Variants in PRR16 observed in about 807,000 individuals in gnomAD.
PRR16 encodes protein Largen.
PRR16 carries 6 observed loss-of-function variants against 18.2 expected under a neutral mutation model. The observed-to-expected ratio is 0.33, with a 90% CI of 0.18 to 0.65. The LOEUF is 0.65. Among genes scored for constraint, PRR16 ranks in the 30% least tolerant of loss-of-function variants. The pLI, the probability that PRR16 is intolerant of heterozygous loss-of-function variation, is 0.74. For synonymous variants in PRR16, 151 were observed against 147.8 expected (o/e 1.02, Z -0.16); for missense variants, 412 against 376.6 (o/e 1.09, Z -0.78).
chr5:120,644,507 G>A (rs1213143555), intron 1 of PRR16, among the ~76,000 whole-genome samples: 1 of 152,092 alleles, frequency 6.6e-6, no homozygotes, highest in Non-Finnish European at 1.5e-5. Context: ...AACACAGACA[G>A]GGAGTGCAAA....
At chr5:120,654,272 A>G (rs1317104451) in intron 1 of PRR16, among the ~76,000 whole-genome samples, 1 of 152,032 alleles carries the variant, frequency 6.6e-6, no homozygotes, top group Admixed American at 6.6e-5. Context: ...ACATGAGAAT[A>G]AGAGACTTCT....
intron 1 of PRR16, among the ~76,000 whole-genome samples, chr5:120,640,756 T>C (rs750353489): frequency 1.3e-5 from 2 of 152,116 alleles, no homozygotes; most frequent in African/African-American, 4.8e-5. Context: ...AGAAAAAATA[T>C]AAACAAATCA....
At chr5:120,606,203 G>A (rs1754148423) in intron 1 of PRR16, among the ~76,000 whole-genome samples, 1 of 152,154 alleles carries the variant, frequency 6.6e-6, no homozygotes, top group Non-Finnish European at 1.5e-5. Flanking sequence ...TTTCCAGAAT[G>A]TGCCAGCATC....
the PRR16 span, among the ~76,000 whole-genome samples, chr5:120,784,616 T>G: frequency 6.6e-6 from 1 of 152,076 alleles, no homozygotes; most frequent in East Asian, 1.9e-4. Flanking sequence ...AAAATCTGAA[T>G]AAAAATGGGC....
rs116379487 is a variant in PRR16 at position 120,554,788 on chromosome 5, T to C, written c.159+90143T>C. On this transcript the variant is annotated intron_variant, in intron 1 of 1. Transcript: ENST00000407149. ...ATAATCTGAAGCATTGCAAGTTAGG[T>C]TGGGATTCGAAGGAAGGAACATACC... 3.6e-3 allele frequency among the ~76,000 whole-genome samples: 547 copies of C among 152,014 alleles called. 1 individual carries two copies. Among genetic ancestry groups the C allele is most frequent in the African/African-American group, 0.012 (517 of 41,498 alleles).
At chr5:120,759,246 G>A in the PRR16 span, among the ~76,000 whole-genome samples, 1 of 151,924 alleles carries the variant, frequency 6.6e-6, no homozygotes, top group Non-Finnish European at 1.5e-5. Context: ...AAAGTGCTGG[G>A]ATTACAGGCG....
At chr5:120,564,940 C>T (rs564680421) in intron 1 of PRR16, among the ~76,000 whole-genome samples, 34 of 148,566 alleles carry the variant, frequency 2.3e-4, no homozygotes, top group African/African-American at 6.5e-4. Context: ...TAGCCGAGAT[C>T]GCGCCACTGC....
chr5:120,558,051 A>G (rs976550952), intron 1 of PRR16, among the ~76,000 whole-genome samples: 6 of 151,854 alleles, frequency 4.0e-5, no homozygotes, highest in African/African-American at 1.4e-4. Flanking sequence ...GGGGTACATT[A>G]GATGTTTTGA....
chr5:120,586,157 G>A (rs1206930329), intron 1 of PRR16, among the ~76,000 whole-genome samples: 1 of 147,730 alleles, frequency 6.8e-6, no homozygotes, highest in Non-Finnish European at 1.5e-5. Context: ...CAGCAACAGA[G>A]CGAGACTCCA....
At chr5:120,575,763 AC>A (rs1753057230) in intron 1 of PRR16, among the ~76,000 whole-genome samples, 1 of 152,298 alleles carries the variant, frequency 6.6e-6, no homozygotes, top group South Asian at 2.1e-4. Context: ...CACTTTTACC[AC>A]TTTTATTCAA....
At chr5:120,547,380 C>A (rs1319935504) in intron 1 of PRR16, among the ~76,000 whole-genome samples, 2 of 152,080 alleles carry the variant, frequency 1.3e-5, no homozygotes, top group South Asian at 2.1e-4. Flanking sequence ...TATGTAAATT[C>A]TTGGTATATA....
chr5:120,499,131 C>T (rs1750360036), intron 1 of PRR16, among the ~76,000 whole-genome samples: 1 of 148,212 alleles, frequency 6.7e-6, no homozygotes, highest in Admixed American at 6.8e-5. Flanking sequence ...TTTTTAAAGA[C>T]GGAGTTCCGC....
At chr5:120,633,617 T>C (rs940614786) in intron 1 of PRR16, among the ~76,000 whole-genome samples, 1 of 151,994 alleles carries the variant, frequency 6.6e-6, no homozygotes, top group Non-Finnish European at 1.5e-5. Context: ...AGAAGTTAGA[T>C]AAGACAAAGA....
At chr5:120,758,151 T>G in the PRR16 span, among the ~76,000 whole-genome samples, 1 of 152,288 alleles carries the variant, frequency 6.6e-6, no homozygotes, top group African/African-American at 2.4e-5. Context: ...GGTCAGTAAC[T>G]TATTTGGAAT....
intron 1 of PRR16, among the ~76,000 whole-genome samples, chr5:120,489,357 T>C (rs1749937038): frequency 6.6e-6 from 1 of 152,202 alleles, no homozygotes; most frequent in South Asian, 2.1e-4. Flanking sequence ...GCATATATAT[T>C]TAGGATAGTT....
chr5:120,674,098 C>T (rs2150148864), intron 1 of PRR16, among the ~76,000 whole-genome samples: 1 of 152,248 alleles, frequency 6.6e-6, no homozygotes, highest in African/African-American at 2.4e-5. Flanking sequence ...TAAACTCTTA[C>T]ATGTCGACGC....
chr5:120,785,204 A>C, the PRR16 span, among the ~76,000 whole-genome samples: 1 of 152,158 alleles, frequency 6.6e-6, no homozygotes, highest in Non-Finnish European at 1.5e-5. Flanking sequence ...GAGTTTTGAC[A>C]AGTGTCTAGG....
intron 1 of PRR16, among the ~76,000 whole-genome samples, chr5:120,654,360 C>G (rs1277594114): frequency 6.6e-6 from 1 of 151,940 alleles, no homozygotes. Context: ...GTAACCTTTG[C>G]TTCTTTGCAT....
At chr5:120,664,953 G>A (rs997489777) in intron 1 of PRR16, among the ~76,000 whole-genome samples, 1 of 151,878 alleles carries the variant, frequency 6.6e-6, no homozygotes, top group South Asian at 2.1e-4. Context: ...GTGATTTATA[G>A]TCCTTTGGGT....
Sources: allele counts gnomAD v4.1 joint callset (sites outside exome capture counted in the v4.1 genomes callset), GRCh38; gene constraint gnomAD v4.1.1; transcripts MANE v1.5; gene names NCBI Gene and HGNC (gene_info 2026-07-23, HGNC 2026-07-21).